The following LOXHD1 variants were observed in gnomAD, a reference collection of about 807,000 sequenced individuals.
LOXHD1 encodes the protein lipoxygenase homology domain-containing protein 1.
Under a neutral mutation model 248.2 loss-of-function variants are expected in LOXHD1, and 205 were observed. That is an observed-to-expected ratio of 0.83 (90% confidence interval 0.74 to 0.93). The LOEUF (loss-of-function observed/expected upper bound fraction) is 0.93, where lower values mean the gene tolerates loss of function less well. Among genes scored for constraint, LOXHD1 ranks in the 40% least tolerant of loss-of-function variants. The probability of loss-of-function intolerance (pLI) is 0.00; values close to 1 mark genes in which losing one functional copy is unlikely to be tolerated. For missense variants in LOXHD1, 2,930 were observed against 2,971.6 expected (o/e 0.99, Z 0.33); for synonymous variants, 1,113 against 1,162.8 (o/e 0.96, Z 0.87).
At chr18:46,524,670 T>A in intron 30 of LOXHD1, 38 bp downstream of exon 30, 5 of 1,551,314 alleles carry the variant, frequency 3.2e-6, no homozygotes, top group Non-Finnish European at 4.4e-6. Context: ...CCCCTAGGCA[T>A]GAGGATGGCC....
intron 12 of LOXHD1, among the ~76,000 whole-genome samples, chr18:46,581,746 C>T (rs982037256): frequency 1.3e-5 from 2 of 152,178 alleles, no homozygotes; most frequent in African/African-American, 2.4e-5. Flanking sequence ...TACACCTAGA[C>T]ATATTATAGT....
chr18:46,629,232 T>C (rs2038786850), intron 4 of LOXHD1, among the ~76,000 whole-genome samples: 1 of 152,142 alleles, frequency 6.6e-6, no homozygotes, highest in Non-Finnish European at 1.5e-5. Context: ...CAGGTCTCAT[T>C]GCTATTTGGT....
intron 12 of LOXHD1, among the ~76,000 whole-genome samples, chr18:46,583,967 G>A (rs1255901766): frequency 3.3e-5 from 5 of 152,028 alleles, no homozygotes; most frequent in African/African-American, 1.2e-4. Flanking sequence ...ATGGATGAAC[G>A]GATAAAGAAA....
intron 4 of LOXHD1, among the ~76,000 whole-genome samples, chr18:46,622,914 G>C (rs1280582281): frequency 3.3e-5 from 5 of 152,194 alleles, no homozygotes; most frequent in Non-Finnish European, 7.3e-5. Flanking sequence ...AGCAGAAATG[G>C]AAACAGGTGA....
At chr18:46,506,709 T>C (rs1297613904) in intron 36 of LOXHD1, among the ~76,000 whole-genome samples, 2 of 152,244 alleles carry the variant, frequency 1.3e-5, no homozygotes, top group African/African-American at 2.4e-5. Context: ...ACTAGCTTTA[T>C]TGACCTATCA....
intron 14 of LOXHD1, among the ~76,000 whole-genome samples, chr18:46,572,603 ACT>A (rs1437662687): frequency 1.2e-4 from 18 of 152,306 alleles, no homozygotes; most frequent in African/African-American, 4.3e-4. Flanking sequence ...CTTGGCAATC[ACT>A]GTCAAAAGTC....
chr18:46,506,805 G>A (rs2034603701), intron 36 of LOXHD1, among the ~76,000 whole-genome samples: 1 of 152,206 alleles, frequency 6.6e-6, no homozygotes, highest in South Asian at 2.1e-4. Context: ...TGGCCAACAA[G>A]TTAATCCTTC....
intron 6 of LOXHD1, among the ~76,000 whole-genome samples, chr18:46,608,200 C>CGGAAACCTAATATATATATTA (rs1218809445): frequency 1.3e-5 from 2 of 152,062 alleles, no homozygotes; most frequent in East Asian, 3.9e-4. Flanking sequence ...TTAGGTTACC[C>CGGAAACCTAATATATATATTA]GGAAAGAAAC....
In LOXHD1 at chr18:46,541,693, C is replaced by T. The variant is rs1484710205; in HGVS notation, c.3913+83G>A. On this transcript the variant is annotated intron_variant, in intron 25 of 40. Coordinates refer to ENST00000642948, the MANE Select transcript of LOXHD1 (RefSeq NM_001384474.1). ...AGGTGGGCCTGGCCCACAGTCAATC[C>T]TGAAGGAAGAACTGGGGCTGAGTTG... 3 of 1,483,160 alleles carry T rather than the reference C, an allele frequency of 2.0e-6. No homozygotes were observed. In the African/African-American group the frequency reaches 4.2e-5, roughly 21 times the overall value. 91.9% of individuals were successfully genotyped at this position (1,483,160 alleles called of 1,614,324 possible).
intron 18 of LOXHD1, among the ~76,000 whole-genome samples, chr18:46,560,837 TACAC>T (rs372245427): frequency 1.4e-5 from 2 of 146,650 alleles, no homozygotes; most frequent in East Asian, 2.0e-4. Flanking sequence ...CCTGCACGTA[TACAC>T]ACACACACGC....
At position 46,656,889 on chromosome 18, in the gene LOXHD1, G is replaced by A; in HGVS notation, c.130+15C>T. On this transcript the variant is annotated intron_variant, in intron 1 of 40. Transcript: ENST00000642948. ...CAGCTGCACCACCCGCCCCCCGCAG[G>A]CTGGGACCCCGCACCTCTGGCCTTG... 1 of 1,550,808 alleles carries A rather than the reference G, an allele frequency of 6.4e-7. No homozygotes were observed. Among genetic ancestry groups the A allele is most frequent in the Non-Finnish European group, 8.7e-7 (1 of 1,146,378 alleles).
At chr18:46,490,324 A>G (rs1364296861) in intron 37 of LOXHD1, among the ~76,000 whole-genome samples, 1 of 152,250 alleles carries the variant, frequency 6.6e-6, no homozygotes, top group Non-Finnish European at 1.5e-5. Flanking sequence ...TCAGCAGGGA[A>G]TACACATTGG....
At chr18:46,544,092 C>A (rs1329034694) in intron 23 of LOXHD1, among the ~76,000 whole-genome samples, 1 of 152,192 alleles carries the variant, frequency 6.6e-6, no homozygotes, top group Non-Finnish European at 1.5e-5. Context: ...TCCCTGTACC[C>A]CAATAAGTCC....
At position 46,507,524 on chromosome 18, in the gene LOXHD1, G is replaced by T; in HGVS notation, c.5692+14C>A. On this transcript the variant is annotated intron_variant, in intron 36 of 40. Coordinates refer to ENST00000642948, the MANE Select transcript of LOXHD1 (RefSeq NM_001384474.1). ...TGGTAAGGGAGCGGGAGGTGTGAGG[G>T]ACCCCCGACCCACCCAGGATGTCGC... 1.3e-6 allele frequency: 2 copies of T among 1,551,410 alleles called. No individual in the cohort carries two copies. The highest frequency in any genetic ancestry group is 1.4e-5 in the African/African-American group (1 of 73,152).
rs1003047234 is a variant in LOXHD1 at position 46,485,088 on chromosome 18, A to G, written c.6113T>C (p.Leu2038Pro). The change falls in exon 39 of 41, where the codon CTG (leucine) becomes CCG (proline). Residue 2038 changes from leucine (L) to proline (P), a missense_variant. Transcript: ENST00000642948. ...TTTGGATCGGTTCTTCCTGCCCTCC[A>G]GGATGAGCCAGACGTTCTCCCTGGT... The part of the protein sequence containing the change: ...GETRENVWLI[L>P]EGRKNRSKEF... The G allele has an allele frequency of 2.6e-6, 4 of 1,550,000 alleles. No individual in the cohort carries two copies. The highest frequency in any genetic ancestry group is 1.4e-5 in the African/African-American group (1 of 72,388).
At chr18:46,530,308 T>C (rs1223076696) in intron 28 of LOXHD1, among the ~76,000 whole-genome samples, 1 of 152,168 alleles carries the variant, frequency 6.6e-6, no homozygotes. Context: ...CAGGGACCCC[T>C]CACCTGCACA....
At chr18:46,503,111 G>A (rs969439853) in intron 37 of LOXHD1, among the ~76,000 whole-genome samples, 1 of 152,172 alleles carries the variant, frequency 6.6e-6, no homozygotes, top group African/African-American at 2.4e-5. Context: ...AGATGAATAA[G>A]GCATGATTCC....
Position 46,477,562 on chromosome 18 carries a change from G to C in LOXHD1, c.6732C>G (p.Thr2244=). The C allele has an allele frequency of 1.3e-6, 2 of 1,551,670 alleles. No homozygotes were observed. The highest frequency in any genetic ancestry group is 1.7e-6 in the Non-Finnish European group (2 of 1,147,004). Residue 2244 remains threonine (T), a synonymous_variant, in exon 41 of 41, where the codon ACC becomes ACG. Coordinates refer to ENST00000642948, the MANE Select transcript of LOXHD1 (RefSeq NM_001384474.1). ...CACAGTTGAAGATGGTGGCCACGCC[G>C]GTGCTGGTGTTGGTGACCTCCACCT... The part of the protein sequence containing the change: ...VEKVEVTNTS[T]GVATIFNCGR...
At position 46,545,302 on chromosome 18, in the gene LOXHD1, G is replaced by A; in HGVS notation, c.3619+15C>T. 1 of 1,529,326 alleles carries A rather than the reference G, an allele frequency of 6.5e-7. No homozygotes were observed. Among genetic ancestry groups the A allele is most frequent in the African/African-American group, 1.4e-5 (1 of 72,684 alleles). The allele number at this position is 1,529,326 out of a possible 1,614,324, so 94.7% of individuals were successfully genotyped here. A position where few individuals can be genotyped will look rare whatever the true frequency, so the allele number is the denominator to read the frequency against. ...AAGAATGTGGGTGAATCTTGGCCCT[G>A]CACTGCTTTCTTACCAGTGTCATCC... On this transcript the variant is annotated intron_variant, in intron 23 of 40. Coordinates refer to ENST00000642948, the MANE Select transcript of LOXHD1 (RefSeq NM_001384474.1).
Sources: gnomAD v4.1 joint callset for allele counts (sites outside exome capture counted in the v4.1 genomes callset) on GRCh38, gnomAD v4.1.1 for gene constraint, MANE v1.5 for transcripts, NCBI Gene and HGNC (gene_info 2026-07-23, HGNC 2026-07-21) for gene names.